The following PARVB variants were observed in gnomAD, a reference collection of about 807,000 sequenced individuals.
The protein encoded by PARVB is beta-parvin.
A neutral mutation model predicts 47.0 loss-of-function variants in PARVB; 46 were observed. The ratio of observed to expected loss-of-function variants is 0.98; its 90% confidence interval spans 0.77 to 1.25. PARVB has a LOEUF of 1.25. Among genes scored for constraint, PARVB ranks in the 50% most tolerant of loss-of-function variants. The pLI, the probability that PARVB is intolerant of heterozygous loss-of-function variation, is 0.00. For missense variants in PARVB, 473 were observed against 471.6 expected (o/e 1.00, Z -0.03); for synonymous variants, 196 against 196.3 (o/e 1.00, Z 0.01).
At chr22:44,048,803 G>A (rs1407872021) in intron 1 of PARVB, among the ~76,000 whole-genome samples, 35 of 152,126 alleles carry the variant, frequency 2.3e-4, no homozygotes, top group South Asian at 4.1e-4. Context: ...CTCATGATCC[G>A]CCTGCCTCGG....
chr22:44,123,204 C>T (rs2053109701), intron 4 of PARVB, among the ~76,000 whole-genome samples: 1 of 152,202 alleles, frequency 6.6e-6, no homozygotes, highest in South Asian at 2.1e-4. Flanking sequence ...TCCCTTGCTC[C>T]TGCAACACTC....
intron 1 of PARVB, among the ~76,000 whole-genome samples, chr22:44,047,723 G>A (rs2051138719): frequency 6.6e-6 from 1 of 152,192 alleles, no homozygotes; most frequent in African/African-American, 2.4e-5. Context: ...GAAGCCACAA[G>A]CTTCTAGGGG....
intron 1 of PARVB, among the ~76,000 whole-genome samples, chr22:44,035,926 A>G (rs1331159938): frequency 6.6e-6 from 1 of 152,160 alleles, no homozygotes; most frequent in Non-Finnish European, 1.5e-5. Context: ...ACAGTGGTGC[A>G]GTATGGACTG....
chr22:44,055,411 T>C (rs944424282), intron 1 of PARVB, among the ~76,000 whole-genome samples: 1 of 150,102 alleles, frequency 6.7e-6, no homozygotes, highest in African/African-American at 2.5e-5. Flanking sequence ...CTCGGCTCAG[T>C]GCAACCTCTG....
At chr22:44,119,925 CG>C (rs1820460888) in intron 4 of PARVB, 3 of 493,716 alleles carry the variant, frequency 6.1e-6, no homozygotes, top group Non-Finnish European at 4.1e-6. Context: ...AGGCAAAGAA[CG>C]GAAGAGCAGA....
intron 1 of PARVB, chr22:44,087,022 G>A (rs181494510): frequency 1.5e-4 from 23 of 158,104 alleles, no homozygotes; most frequent in Non-Finnish European, 2.6e-4. Context: ...GTATCCTCCC[G>A]CAAGCTCTGA....
intron 2 of PARVB, among the ~76,000 whole-genome samples, chr22:44,001,653 G>A (rs114066508): frequency 2.5e-3 from 379 of 152,310 alleles, no homozygotes; most frequent in African/African-American, 8.7e-3. Context: ...CCAAGCTCAT[G>A]GTGCTGGATC....
At chr22:44,016,359 G>A (rs559139843) in intron 2 of PARVB, among the ~76,000 whole-genome samples, 51 of 152,246 alleles carry the variant, frequency 3.3e-4, no homozygotes, top group Admixed American at 9.8e-4. Context: ...GCCTCCCAAA[G>A]TGCTGGGATT....
intron 1 of PARVB, among the ~76,000 whole-genome samples, chr22:44,029,182 G>T (rs1395840684): frequency 6.6e-6 from 1 of 151,824 alleles, no homozygotes; most frequent in African/African-American, 2.4e-5. Flanking sequence ...ATGGGGTCTC[G>T]CTATGTTACC....
At chr22:44,040,863 C>T (rs1248258199) in intron 1 of PARVB, among the ~76,000 whole-genome samples, 7 of 151,916 alleles carry the variant, frequency 4.6e-5, no homozygotes, top group South Asian at 4.2e-4. Flanking sequence ...ATTAGCCGGG[C>T]GTGGTGGCAG....
At chr22:44,025,775 T>C (rs2050717934) in intron 1 of PARVB, among the ~76,000 whole-genome samples, 1 of 152,178 alleles carries the variant, frequency 6.6e-6, no homozygotes, top group South Asian at 2.1e-4. Context: ...TCACCAGAAA[T>C]CATTTCGGTT....
chr22:44,000,151 A>G (rs1325169426), intron 2 of PARVB, among the ~76,000 whole-genome samples: 1 of 152,242 alleles, frequency 6.6e-6, no homozygotes, highest in Non-Finnish European at 1.5e-5. Context: ...TGTATTCAGC[A>G]ATAGATTCCA....
At chr22:44,070,374 A>G (rs546755010) in intron 1 of PARVB, among the ~76,000 whole-genome samples, 31 of 152,284 alleles carry the variant, frequency 2.0e-4, no homozygotes, top group African/African-American at 7.2e-4. Flanking sequence ...TGTTTCTGAT[A>G]CCAAGCAAAC....
chr22:44,122,586 G>GACAC (rs1569134672), intron 4 of PARVB, among the ~76,000 whole-genome samples: 1 of 134,220 alleles, frequency 7.5e-6, no homozygotes, highest in Non-Finnish European at 1.6e-5. Flanking sequence ...GAGAGAGAGA[G>GACAC]AGAGAGAGAG....
At chr22:44,072,686 C>T (rs2051681568) in intron 1 of PARVB, among the ~76,000 whole-genome samples, 1 of 152,184 alleles carries the variant, frequency 6.6e-6, no homozygotes, top group South Asian at 2.1e-4. Flanking sequence ...AAGTCATCCA[C>T]CCACCTTGGC....
chr22:44,075,325 C>T (rs1019760367), intron 1 of PARVB, among the ~76,000 whole-genome samples: 5 of 152,242 alleles, frequency 3.3e-5, no homozygotes, highest in Admixed American at 3.3e-4. Flanking sequence ...TTTTAGAGCA[C>T]TTTTAAGTTC....
intron 2 of PARVB, among the ~76,000 whole-genome samples, chr22:44,011,992 A>G (rs2050528478): frequency 6.6e-6 from 1 of 152,236 alleles, no homozygotes; most frequent in Admixed American, 6.5e-5. Context: ...GTGAATGTCT[A>G]ATAGACTTGG....
intron 4 of PARVB, among the ~76,000 whole-genome samples, chr22:44,122,670 A>G (rs538603343): frequency 6.8e-6 from 1 of 147,038 alleles, no homozygotes; most frequent in South Asian, 2.2e-4. Context: ...ATGGATTCTG[A>G]TTTTATCCTT....
At chr22:44,164,689 C>A (rs73888885) in intron 12 of PARVB, among the ~76,000 whole-genome samples, 4 of 152,152 alleles carry the variant, frequency 2.6e-5, no homozygotes, top group Non-Finnish European at 5.9e-5. Flanking sequence ...GTGCCCTGGG[C>A]CCCCACTTTG....
Sources: gnomAD v4.1 joint callset for allele counts (sites outside exome capture counted in the v4.1 genomes callset) on GRCh38, gnomAD v4.1.1 for gene constraint, MANE v1.5 for transcripts, NCBI Gene and HGNC (gene_info 2026-07-23, HGNC 2026-07-21) for gene names.